SKAP1: variants seen among roughly 807,000 people sequenced by gnomAD.
The protein encoded by SKAP1 is src kinase associated phosphoprotein 1.
SKAP1 carries 44 observed loss-of-function variants against 58.5 expected under a neutral mutation model. The ratio of observed to expected loss-of-function variants is 0.75; its 90% CI spans 0.59 to 0.97. The LOEUF (loss-of-function observed/expected upper bound fraction) is 0.97. Ranked by LOEUF, SKAP1 falls within the 50% of genes least tolerant of loss-of-function variation. The probability of loss-of-function intolerance (pLI) is 0.00; values close to 1 mark genes in which losing one functional copy is unlikely to be tolerated. For missense variants in SKAP1, 390 were observed against 435.2 expected, an observed-to-expected ratio of 0.90 and a Z score of 0.92; for synonymous variants, 127 against 149.7, an observed-to-expected ratio of 0.85 and a Z score of 1.11.
At chr17:48,156,949 C>T (rs953923606) in intron 11 of SKAP1, among the ~76,000 whole-genome samples, 3 of 152,126 alleles carry the variant, frequency 2.0e-5, no homozygotes, top group Non-Finnish European at 4.4e-5. Flanking sequence ...ATTTATTGAA[C>T]TCCTAGTATG....
the SKAP1 span, among the ~76,000 whole-genome samples, chr17:48,438,244 T>A: frequency 6.6e-6 from 1 of 152,228 alleles, no homozygotes. Flanking sequence ...TCAAGGTTGT[T>A]GTGAAGATCC....
chr17:48,219,112 G>T (rs2064973177), intron 4 of SKAP1, among the ~76,000 whole-genome samples: 1 of 152,050 alleles, frequency 6.6e-6, no homozygotes, highest in Admixed American at 6.5e-5. Context: ...CCAATTTTTT[G>T]AACAAAACAC....
At chr17:48,373,403 G>A (rs2067111617) in intron 2 of SKAP1, among the ~76,000 whole-genome samples, 1 of 152,180 alleles carries the variant, frequency 6.6e-6, no homozygotes, top group Non-Finnish European at 1.5e-5. Flanking sequence ...TATAATTCAA[G>A]ATGAGATTTG....
chr17:48,439,697 G>A, the SKAP1 span, among the ~76,000 whole-genome samples: 1 of 152,218 alleles, frequency 6.6e-6, no homozygotes, highest in African/African-American at 2.4e-5. Flanking sequence ...GCTACCAGAT[G>A]TGCAAAATAG....
rs1158822266 is a variant in SKAP1, at chr17:48,283,845, C to T, written c.280+62060G>A. Among the ~76,000 whole-genome samples the T allele has an allele frequency of 8.5e-5, 13 of 152,300 alleles. No individual in the cohort carries two copies. The East Asian group carries it at 2.5e-3, about 29-fold the overall frequency. ...CCCAGGGCAGAAGTGGGACTCTAGC[C>T]AGCCTCCTCTTCTGAGATCAGACTG... On this transcript the variant is annotated intron_variant, in intron 4 of 12. Transcript: ENST00000336915.
chr17:48,430,913 C>G (rs980214564), upstream of SKAP1, among the ~76,000 whole-genome samples: 6 of 152,132 alleles, frequency 3.9e-5, no homozygotes. Context: ...ATCACACGGT[C>G]TCATTCAAGG....
intron 10 of SKAP1, among the ~76,000 whole-genome samples, chr17:48,164,356 A>C (rs758967787): frequency 6.6e-6 from 1 of 152,206 alleles, no homozygotes; most frequent in Non-Finnish European, 1.5e-5. Flanking sequence ...AACCATAACA[A>C]TATTTCTAAG....
At position 48,283,054 on chromosome 17, in the gene SKAP1, C is replaced by T. The variant is rs564020612; in HGVS notation, c.280+62851G>A. 2.9e-3 allele frequency among the ~76,000 whole-genome samples: 443 copies of T among 152,208 alleles called. 2 individuals are homozygous for T. The highest frequency in any genetic ancestry group is 0.01 in the African/African-American group (421 of 41,520). The stretch of plus-strand genomic sequence containing the variant: ...GAGAGTCAAACTCTTATTTCAGAGA[C>T]AGAATATAATTTAATAATTACCTGA... On this transcript the variant is annotated intron_variant, in intron 4 of 12. Coordinates refer to ENST00000336915, the MANE Select transcript of SKAP1 (RefSeq NM_003726.4).
chr17:48,222,349 G>A (rs898186768), intron 4 of SKAP1, among the ~76,000 whole-genome samples: 21 of 152,012 alleles, frequency 1.4e-4, no homozygotes, highest in Admixed American at 1.2e-3. Context: ...CACTCTTTCT[G>A]TCTCTAAGAA....
chr17:48,191,965 G>A (rs2064551656), intron 4 of SKAP1, among the ~76,000 whole-genome samples: 1 of 152,184 alleles, frequency 6.6e-6, no homozygotes, highest in Admixed American at 6.5e-5. Flanking sequence ...GTGAGGCATT[G>A]AGTGGGGTGA....
chr17:48,387,911 T>C (rs2067297923), intron 2 of SKAP1, among the ~76,000 whole-genome samples: 1 of 152,206 alleles, frequency 6.6e-6, no homozygotes. Context: ...TTAGAAGTTT[T>C]AAAGAAGTAC....
intron 4 of SKAP1, among the ~76,000 whole-genome samples, chr17:48,222,658 T>G (rs2065018373): frequency 6.6e-6 from 1 of 151,782 alleles, no homozygotes; most frequent in South Asian, 2.1e-4. Context: ...TTTTGTATTA[T>G]TAGTAGAGAT....
intron 4 of SKAP1, among the ~76,000 whole-genome samples, chr17:48,230,752 G>A (rs1340949773): frequency 6.6e-6 from 1 of 151,894 alleles, no homozygotes; most frequent in Admixed American, 6.6e-5. Context: ...GTGAGACCCT[G>A]TCTCAAAAAA....
intron 11 of SKAP1, among the ~76,000 whole-genome samples, chr17:48,147,393 G>A (rs1192497097): frequency 1.3e-5 from 2 of 152,126 alleles, no homozygotes; most frequent in East Asian, 1.9e-4. Context: ...CCCAGACATC[G>A]TATTTTTACT....
intron 4 of SKAP1, among the ~76,000 whole-genome samples, chr17:48,335,966 T>C (rs1459154752): frequency 6.6e-6 from 1 of 152,182 alleles, no homozygotes; most frequent in Non-Finnish European, 1.5e-5. Context: ...AATTTTTGAA[T>C]TCACTACGTA....
Position 48,324,202 on chromosome 17 carries a change from A to G in SKAP1, c.280+21703T>C, listed in dbSNP as rs1350019494. Among the ~76,000 whole-genome samples, 4 of 152,096 alleles carry G rather than the reference A, an allele frequency of 2.6e-5. No homozygotes were observed. In the East Asian group the frequency reaches 7.7e-4, roughly 29 times the overall value. On this transcript the variant is annotated intron_variant, in intron 4 of 12. Coordinates refer to ENST00000336915, the MANE Select transcript of SKAP1 (RefSeq NM_003726.4). ...TAACATTTTGGTATATGTCCTTTCCATATGTTTTGTATCCTGCCTTTTCCC... is the reference window on the plus strand; with the variant it reads ...TAACATTTTGGTATATGTCCTTTCCGTATGTTTTGTATCCTGCCTTTTCCC...
chr17:48,365,246 C>A (rs763531264), intron 2 of SKAP1, among the ~76,000 whole-genome samples: 43 of 152,182 alleles, frequency 2.8e-4, no homozygotes, highest in Non-Finnish European at 4.9e-4. Flanking sequence ...CTGCATCCAG[C>A]AACCCTTGAA....
chr17:48,269,772 G>A (rs2065603111), intron 4 of SKAP1, among the ~76,000 whole-genome samples: 1 of 152,144 alleles, frequency 6.6e-6, no homozygotes, highest in African/African-American at 2.4e-5. Context: ...AGTGATTTGT[G>A]AGTTTAATAA....
At chr17:48,411,742 T>C (rs1276832642) in intron 1 of SKAP1, among the ~76,000 whole-genome samples, 1 of 152,118 alleles carries the variant, frequency 6.6e-6, no homozygotes, top group African/African-American at 2.4e-5. Context: ...TCAAAACCCA[T>C]AACCCTAGTC....
Sources: gnomAD v4.1 joint callset for allele counts (sites outside exome capture counted in the v4.1 genomes callset) on GRCh38, gnomAD v4.1.1 for gene constraint, MANE v1.5 for transcripts, NCBI Gene and HGNC (gene_info 2026-07-23, HGNC 2026-07-21) for gene names.